Variants in PEBP4 observed in about 807,000 individuals in gnomAD.
PEBP4 encodes the protein phosphatidylethanolamine-binding protein 4.
A neutral mutation model predicts 23.9 loss-of-function variants in PEBP4; 22 were observed. The ratio of observed to expected loss-of-function variants is 0.92; its 90% CI spans 0.66 to 1.31. The LOEUF is 1.31. Ranked by LOEUF, PEBP4 falls within the 40% of genes most tolerant of loss-of-function variation. The pLI, the probability that PEBP4 is intolerant of heterozygous loss-of-function variation, is 0.00. For synonymous variants in PEBP4, 112 were observed against 99.3 expected (o/e 1.13, Z -0.76); for missense variants, 324 against 281.7 (o/e 1.15, Z -1.07).
At chr8:22,864,789 A>T (rs964267063) in intron 3 of PEBP4, among the ~76,000 whole-genome samples, 9 of 152,220 alleles carry the variant, frequency 5.9e-5, no homozygotes, top group Admixed American at 3.9e-4. Flanking sequence ...GAAGTAGCTG[A>T]CCAAGTCCTA....
chr8:22,750,480 T>A (rs1421900531), intron 4 of PEBP4, among the ~76,000 whole-genome samples: 5 of 152,154 alleles, frequency 3.3e-5, no homozygotes, highest in Non-Finnish European at 7.3e-5. Flanking sequence ...TTGGAAAAAA[T>A]TTATCTGGGC....
chr8:22,898,403 A>AC (rs1808637083), intron 3 of PEBP4, among the ~76,000 whole-genome samples: 2 of 83,828 alleles, frequency 2.4e-5, no homozygotes, highest in African/African-American at 6.8e-5. Flanking sequence ...AAAAAAAAAA[A>AC]AAAAAAAAAA....
intron 4 of PEBP4, among the ~76,000 whole-genome samples, chr8:22,748,230 G>C (rs991152793): frequency 6.6e-6 from 1 of 152,142 alleles, no homozygotes; most frequent in African/African-American, 2.4e-5. Context: ...CAGGCTGCTA[G>C]GGTATGATGA....
At chr8:22,746,946 C>T (rs1805133762) in intron 4 of PEBP4, among the ~76,000 whole-genome samples, 2 of 152,176 alleles carry the variant, frequency 1.3e-5, no homozygotes, top group Non-Finnish European at 2.9e-5. Flanking sequence ...CCATGTCAGC[C>T]TCCCAAGCAG....
chr8:22,826,712 C>T (rs1585294257), intron 3 of PEBP4, among the ~76,000 whole-genome samples: 1 of 152,144 alleles, frequency 6.6e-6, no homozygotes, highest in Admixed American at 6.5e-5. Flanking sequence ...TATTTCTTCA[C>T]ATTTGCTTGT....
intron 3 of PEBP4, among the ~76,000 whole-genome samples, chr8:22,821,043 G>C (rs1473415664): frequency 6.6e-6 from 1 of 151,852 alleles, no homozygotes; most frequent in Non-Finnish European, 1.5e-5. Context: ...AAATACAAAA[G>C]CTAACCAGGC....
intron 4 of PEBP4, among the ~76,000 whole-genome samples, chr8:22,804,839 T>A (rs1397273432): frequency 6.6e-6 from 1 of 152,136 alleles, no homozygotes; most frequent in African/African-American, 2.4e-5. Flanking sequence ...TCTTCCATGC[T>A]GCCCCGTGAC....
chr8:22,810,034 C>T (rs963755999), intron 4 of PEBP4, among the ~76,000 whole-genome samples: 4 of 152,358 alleles, frequency 2.6e-5, no homozygotes, highest in Admixed American at 1.3e-4. Flanking sequence ...TTAGAAAGTT[C>T]TTCCTCATAA....
intron 3 of PEBP4, among the ~76,000 whole-genome samples, chr8:22,907,990 G>A (rs35273636): frequency 0.024 from 3,558 of 150,574 alleles, 57 homozygotes; most frequent in Middle Eastern, 0.048. Context: ...TCCTGCATGG[G>A]TGACAGAGTG....
chr8:22,728,339 TG>T (rs1267720839), intron 4 of PEBP4, among the ~76,000 whole-genome samples: 6 of 152,188 alleles, frequency 3.9e-5, no homozygotes, highest in Non-Finnish European at 7.3e-5. Context: ...GTCCTCACTT[TG>T]GGCCTCTTGG....
At chr8:22,714,131 C>G (rs1194839724) in intron 6 of PEBP4, among the ~76,000 whole-genome samples, 1 of 152,238 alleles carries the variant, frequency 6.6e-6, no homozygotes, top group Non-Finnish European at 1.5e-5. Flanking sequence ...CCCCTGGACC[C>G]TGGCGGGGGA....
intron 4 of PEBP4, among the ~76,000 whole-genome samples, chr8:22,745,941 C>T (rs59116179): frequency 0.57 from 87,314 of 152,004 alleles, 25,870 homozygotes; most frequent in East Asian, 0.7. Context: ...ACTTCATAGG[C>T]GAAGCTCTTT....
At chr8:22,939,948 A>G (rs903368637) in intron 1 of PEBP4, among the ~76,000 whole-genome samples, 1 of 152,236 alleles carries the variant, frequency 6.6e-6, no homozygotes, top group East Asian at 1.9e-4. Context: ...ACAGATGCAC[A>G]TTGCATCTAT....
intron 4 of PEBP4, among the ~76,000 whole-genome samples, chr8:22,751,361 G>A (rs1805253492): frequency 6.6e-6 from 1 of 152,286 alleles, no homozygotes; most frequent in East Asian, 1.9e-4. Flanking sequence ...ACAAACCTCT[G>A]CTTCTTCCCT....
chr8:22,806,111 C>A (rs974774299), intron 4 of PEBP4, among the ~76,000 whole-genome samples: 2 of 152,186 alleles, frequency 1.3e-5, no homozygotes, highest in Admixed American at 6.5e-5. Context: ...CCTCATGAAC[C>A]TCTGACATGC....
At chr8:22,800,593 C>A (rs1484564856) in intron 4 of PEBP4, among the ~76,000 whole-genome samples, 3 of 152,128 alleles carry the variant, frequency 2.0e-5, no homozygotes, top group African/African-American at 7.2e-5. Context: ...GGCAGGCTGT[C>A]TCTGTCTTCT....
chr8:22,727,189 C>A lies in PEBP4; in HGVS notation c.389G>T (p.Gly130Val), dbSNP rs770091695. The change falls in exon 5 of 7, where the codon GGC becomes GTC. Residue 130 changes from glycine (G) to valine (V), a missense_variant. Coordinates refer to ENST00000256404, the MANE Select transcript of PEBP4 (RefSeq NM_144962.3). ...GADLKKGKIQ[G>V]QELSAYQAPS... ...GTCTTACTCACCTGATAACTCCTGG[C>A]CCTGAATCTTCCCTTTCTTCAGGTC... 6.2e-7 allele frequency: 1 copy of A among 1,613,946 alleles called. No individual in the cohort carries two copies. The highest frequency in any genetic ancestry group is 2.2e-5 in the East Asian group (1 of 44,888).
intron 3 of PEBP4, among the ~76,000 whole-genome samples, chr8:22,869,965 A>C (rs942410730): frequency 6.6e-6 from 1 of 152,354 alleles, no homozygotes; most frequent in Admixed American, 6.5e-5. Context: ...TGGGAATGCA[A>C]GATGAGACAT....
intron 2 of PEBP4, among the ~76,000 whole-genome samples, chr8:22,923,318 G>A (rs774728861): frequency 6.6e-6 from 1 of 152,174 alleles, no homozygotes; most frequent in Non-Finnish European, 1.5e-5. Flanking sequence ...TGTAATCCCA[G>A]CACTTTGGGA....
Sources: gnomAD v4.1 joint callset for allele counts (sites outside exome capture counted in the v4.1 genomes callset) on GRCh38, gnomAD v4.1.1 for gene constraint, MANE v1.5 for transcripts, NCBI Gene and HGNC (gene_info 2026-07-23, HGNC 2026-07-21) for gene names.